VAV2: variants seen among roughly 807,000 people sequenced by gnomAD.
The protein encoded by VAV2 is guanine nucleotide exchange factor VAV2.
Under a neutral mutation model 132.5 loss-of-function variants are expected in VAV2, and 67 were observed. The observed-to-expected ratio is 0.51, with a 90% CI of 0.42 to 0.62. The LOEUF (loss-of-function observed/expected upper bound fraction) is 0.62. Among genes scored for constraint, VAV2 ranks in the 20% least tolerant of loss-of-function variants. The pLI, the probability that VAV2 is intolerant of heterozygous loss-of-function variation, is 0.00. For synonymous variants in VAV2, 492 were observed against 443.5 expected, an observed-to-expected ratio of 1.11 and a Z score of -1.37; for missense variants, 938 against 1,153.6, an observed-to-expected ratio of 0.81 and a Z score of 2.71.
intron 19 of VAV2, among the ~76,000 whole-genome samples, chr9:133,782,230 T>G (rs1390901202): frequency 2.0e-5 from 3 of 152,014 alleles, no homozygotes; most frequent in Non-Finnish European, 4.4e-5. Context: ...TTTCATTTCT[T>G]TTTTTTTCCT....
intron 3 of VAV2, among the ~76,000 whole-genome samples, chr9:133,841,275 C>G (rs1004707372): frequency 7.3e-5 from 11 of 151,472 alleles, no homozygotes; most frequent in African/African-American, 2.7e-4. Flanking sequence ...GAAGGCTGGG[C>G]CCCCACACCA....
At chr9:133,886,671 C>T (rs937065692) in intron 2 of VAV2, among the ~76,000 whole-genome samples, 3 of 152,198 alleles carry the variant, frequency 2.0e-5, no homozygotes, top group Non-Finnish European at 2.9e-5. Context: ...AGCCCTGCTC[C>T]GCGGGGCACC....
intron 3 of VAV2, among the ~76,000 whole-genome samples, chr9:133,835,356 C>A (rs570445167): frequency 6.0e-5 from 9 of 149,964 alleles, no homozygotes; most frequent in African/African-American, 2.2e-4. Context: ...AGGCCAACCA[C>A]TCAGAGCTGA....
chr9:133,955,140 A>G (rs992827225), intron 1 of VAV2, among the ~76,000 whole-genome samples: 5 of 151,970 alleles, frequency 3.3e-5, no homozygotes, highest in Admixed American at 2.0e-4. Context: ...CCAAGGGTAC[A>G]GGAAGGGCAG....
chr9:133,784,522 G>A, intron 17 of VAV2, 104 bp from the exon 18 acceptor site: 2 of 1,242,074 alleles, frequency 1.6e-6, no homozygotes, highest in East Asian at 2.3e-5. Flanking sequence ...AGGCTGTGCA[G>A]AATCCGAGAG....
At chr9:133,894,460 A>C (rs1043693131) in intron 2 of VAV2, among the ~76,000 whole-genome samples, 3 of 152,162 alleles carry the variant, frequency 2.0e-5, no homozygotes, top group Non-Finnish European at 2.9e-5. Flanking sequence ...AAAGGTGGAA[A>C]CCGCCTTTAC....
intron 15 of VAV2, among the ~76,000 whole-genome samples, chr9:133,787,617 C>G (rs1168389419): frequency 6.9e-6 from 1 of 144,946 alleles, no homozygotes; most frequent in African/African-American, 2.5e-5. Flanking sequence ...CCCCGCCCCC[C>G]ACCCCACCAG....
intron 20 of VAV2, 198 bp from the exon 21 acceptor site, chr9:133,780,137 A>G (rs1833957295): frequency 1.5e-6 from 1 of 657,676 alleles, no homozygotes; most frequent in South Asian, 2.0e-5. Context: ...GTGCACCTCC[A>G]CTCCTGGAAG....
intron 9 of VAV2, among the ~76,000 whole-genome samples, chr9:133,801,051 T>C (rs531745365): frequency 2.0e-5 from 3 of 152,156 alleles, no homozygotes; most frequent in Non-Finnish European, 2.9e-5. Context: ...GCTCCTGCAA[T>C]GGGTCTCACT....
chr9:133,973,129 G>A (rs1056762978), intron 1 of VAV2, among the ~76,000 whole-genome samples: 1 of 151,942 alleles, frequency 6.6e-6, no homozygotes, highest in Non-Finnish European at 1.5e-5. Context: ...GTGCCACGGA[G>A]GGCCCAAGGA....
intron 2 of VAV2, among the ~76,000 whole-genome samples, chr9:133,933,847 ATGGG>A (rs1840788753): frequency 2.4e-4 from 30 of 127,316 alleles, no homozygotes; most frequent in South Asian, 8.7e-4. Context: ...TGGATGGTGG[ATGGG>A]TGGAAGGATG....
At chr9:133,979,375 T>G (rs1052935527) in intron 1 of VAV2, among the ~76,000 whole-genome samples, 4 of 152,102 alleles carry the variant, frequency 2.6e-5, no homozygotes, top group Non-Finnish European at 5.9e-5. Flanking sequence ...GTGTGCGGTC[T>G]CCACCCTAGG....
intron 4 of VAV2, among the ~76,000 whole-genome samples, chr9:133,816,673 C>T (rs1160808809): frequency 6.6e-6 from 1 of 152,192 alleles, no homozygotes; most frequent in African/African-American, 2.4e-5. Flanking sequence ...TTTGAGGCTG[C>T]AATAAGTTAT....
chr9:133,933,984 G>A (rs1307255269), intron 2 of VAV2, among the ~76,000 whole-genome samples: 5 of 135,992 alleles, frequency 3.7e-5, no homozygotes, highest in Non-Finnish European at 7.8e-5. Flanking sequence ...GGAAGGATGG[G>A]TGAATGGGTG....
chr9:133,836,008 G>A (rs1176421504), intron 3 of VAV2, among the ~76,000 whole-genome samples: 2 of 152,088 alleles, frequency 1.3e-5, no homozygotes, highest in African/African-American at 4.8e-5. Flanking sequence ...CCCAGTTGAG[G>A]TGTGTGTCCC....
intron 2 of VAV2, among the ~76,000 whole-genome samples, chr9:133,870,539 T>C (rs1564422193): frequency 6.6e-6 from 1 of 152,178 alleles, no homozygotes; most frequent in Non-Finnish European, 1.5e-5. Flanking sequence ...AAATATATAC[T>C]TCCTCATCTC....
intron 19 of VAV2, among the ~76,000 whole-genome samples, chr9:133,782,405 A>C (rs1178862035): frequency 6.6e-6 from 1 of 152,118 alleles, no homozygotes; most frequent in Non-Finnish European, 1.5e-5. Flanking sequence ...GGAATCCTCC[A>C]GCACTAACTC....
chr9:133,875,187 G>A (rs889929471), intron 2 of VAV2, among the ~76,000 whole-genome samples: 4 of 152,194 alleles, frequency 2.6e-5, no homozygotes, highest in Non-Finnish European at 5.9e-5. Context: ...TGTGCAAGCC[G>A]GGGCTCAGGA....
intron 9 of VAV2, among the ~76,000 whole-genome samples, chr9:133,798,277 G>A (rs911053998): frequency 6.6e-6 from 1 of 152,162 alleles, no homozygotes; most frequent in African/African-American, 2.4e-5. Flanking sequence ...GAACCCCTAA[G>A]GGTCACCCTT....
Sources: allele counts gnomAD v4.1 joint callset (sites outside exome capture counted in the v4.1 genomes callset), GRCh38; gene constraint gnomAD v4.1.1; transcripts MANE v1.5; gene names NCBI Gene and HGNC (gene_info 2026-07-23, HGNC 2026-07-21).